EPPK1: variants seen among roughly 807,000 people sequenced by gnomAD.
The protein encoded by EPPK1 is epiplakin.
For missense variants in EPPK1, 3,823 were observed against 3,673.3 expected (o/e 1.04, Z -1.05); for synonymous variants, 1,862 against 1,721.2 (o/e 1.08, Z -2.03).
chr8:143,867,999 GT>G lies in EPPK1; in HGVS notation c.5254del (p.Thr1752ArgfsTer9). 1 of 1,613,676 alleles carries G rather than the reference GT, an allele frequency of 6.2e-7. No individual in the cohort carries two copies. ...LLERCVEDPE[T>X]GLYLLQIIKK... is the part of the protein sequence containing the mutation. Reference sequence around the variant, plus strand: ...TATGATTTGTAGCAGGTACAGGCCCGTCTCGGGGTCCTCCACACAGCGCTCC... The same window carrying G: ...TATGATTTGTAGCAGGTACAGGCCCGCTCGGGGTCCTCCACACAGCGCTCC... On this transcript the variant is annotated frameshift_variant, in exon 2 of 2. Transcript: ENST00000615648. LOFTEE classifies it low-confidence loss of function (END_TRUNC).
Position 143,869,928 on chromosome 8 carries a change from C to T in EPPK1, c.3326G>A (p.Gly1109Asp), listed in dbSNP as rs1554660548. 25 of 1,608,734 alleles carry T rather than the reference C, an allele frequency of 1.6e-5. No individual in the cohort carries two copies. The highest frequency in any genetic ancestry group is 2.1e-5 in the Non-Finnish European group (25 of 1,177,962). ...LEECPRDETS[G>D]LHLLPLPESA... The stretch of plus-strand genomic sequence containing the variant: ...TTCTGGCAGGGGCAGGAGGTGAAGG[C>T]CAGAAGTCTCATCCCTGGGGCACTC... The change falls in exon 2 of 2, where the codon GGC becomes GAC. Residue 1109 changes from glycine (G) to aspartate (D), a missense_variant. Transcript: ENST00000615648.
Position 143,872,900 on chromosome 8 carries a change from G to A in EPPK1, c.354C>T (p.Ala118=), listed in dbSNP as rs1175721541. ...LKEKLLAAER[A]TTGYPDPYGG... ...CGTAGGGGTCAGGATAGCCCGTAGT[G>A]GCACGCTCAGCGGCCAGCAGCTTCT... Residue 118 remains alanine (A), a synonymous_variant, in exon 2 of 2, where the codon GCC becomes GCT. Transcript: ENST00000615648. 6.2e-7 allele frequency: 1 copy of A among 1,605,972 alleles called. No homozygotes were observed.
At chr8:143,877,330 G>T (rs544444959) in intron 1 of EPPK1, among the ~76,000 whole-genome samples, 320 of 152,314 alleles carry the variant, frequency 2.1e-3, no homozygotes, top group African/African-American at 6.8e-3. Flanking sequence ...CCGGAGCGAG[G>T]GGGGGCAGGG....
At chr8:143,874,951 C>T (rs1554662168) in intron 1 of EPPK1, among the ~76,000 whole-genome samples, 1 of 152,188 alleles carries the variant, frequency 6.6e-6, no homozygotes, top group Admixed American at 6.5e-5. Flanking sequence ...TTGGAGCTGG[C>T]CCCCACCCAC....
rs373814278 is a variant in EPPK1, at chr8:143,869,506, C to T, written c.3748G>A (p.Gly1250Ser). The T allele has an allele frequency of 5.1e-5, 79 of 1,546,426 alleles. No homozygotes were observed. Among genetic ancestry groups the T allele is most frequent in the African/African-American group, 9.5e-5 (7 of 73,346 alleles). Residue 1250 changes from glycine (G) to serine (S), a missense_variant, in exon 2 of 2, where the codon GGT becomes AGT. Gly to Ser is a moderately conservative substitution (Grantham distance 56). Transcript: ENST00000615648. ...ACLWGTGCVA[G>S]VLLQPSGAKA... The stretch of plus-strand genomic sequence containing the variant: ...GCCCCAGAGGGCTGTAGCAGCACAC[C>T]GGCCACGCAGCCTGTGCCCCACAGG...
rs1279792373 is a variant in EPPK1 at position 143,866,938 on chromosome 8, C to G, written c.6316G>C (p.Glu2106Gln). The G allele has an allele frequency of 3.7e-6, 6 of 1,612,840 alleles. No homozygotes were observed. Among genetic ancestry groups the G allele is most frequent in the South Asian group, 1.1e-5 (1 of 91,082 alleles). The change falls in exon 2 of 2, where the codon GAG becomes CAG. Residue 2106 changes from glutamate (E) to glutamine (Q), a missense_variant. By Grantham distance (29) the Glu-to-Gln change is conservative. Transcript: ENST00000615648. ...CTTCCCACTGTGATTTCCACTTGCTCTGCCTCCAGGGCCCTTCTCGTCTCG... is the reference window on the plus strand; with the variant it reads ...CTTCCCACTGTGATTTCCACTTGCTGTGCCTCCAGGGCCCTTCTCGTCTCG... The part of the protein sequence containing the change: ...DDETRRALEA[E>Q]QVEITVGRFR...
At position 143,867,078 on chromosome 8, in the gene EPPK1, G is replaced by T. The variant is rs553910552; in HGVS notation, c.6176C>A (p.Thr2059Lys). 2.5e-5 allele frequency: 41 copies of T among 1,612,916 alleles called. No homozygotes were observed. The South Asian group carries it at 4.1e-4, about 16-fold the overall frequency. ...HMRKRFVDPN[T>K]QEKVSYRELQ... ...CTCTCGGTACGAGACCTTCTCTTGC[G>T]TGTTCGGGTCCACAAACCGTTTCCT... Residue 2059 changes from threonine to lysine, a missense_variant, in exon 2 of 2, where the codon ACG (threonine) becomes AAG (lysine). Transcript: ENST00000615648.
In EPPK1 at chr8:143,869,140, C is replaced by T; in HGVS notation, c.4114G>A (p.Val1372Met). The change falls in exon 2 of 2, where the codon GTG (valine) becomes ATG (methionine). Residue 1372 changes from valine (V) to methionine (M), a missense_variant. Val to Met is a conservative substitution (Grantham distance 21). Transcript: ENST00000615648. ...TGGVVDPVHG[V>M]HLPQAAACRL... ...CAGGCTGCCGCCTGGGGCAGGTGCA[C>T]CCCGTGGACAGGGTCCACCACACCC... 1 of 1,606,230 alleles carries T rather than the reference C, an allele frequency of 6.2e-7. No individual in the cohort carries two copies. The highest frequency in any genetic ancestry group is 1.7e-4 in the Middle Eastern group (1 of 6,056).
At position 143,866,458 on chromosome 8, in the gene EPPK1, G is replaced by T; in HGVS notation, c.6796C>A (p.Gln2266Lys). Residue 2266 changes from glutamine (Q) to lysine (K), a missense_variant, in exon 2 of 2, where the codon CAG becomes AAG. Transcript: ENST00000615648. ...PGTALVLLEA[Q>K]AATGFVIDPV... ...TCGATGACGAAGCCGGTGGCCGCCT[G>T]CGCCTCCAGCAGCACCAGGGCCGTG... is the stretch of plus-strand genomic sequence containing the variant. 6.9e-7 allele frequency: 1 copy of T among 1,452,188 alleles called. No individual in the cohort carries two copies. The highest frequency in any genetic ancestry group is 9.2e-7 in the Non-Finnish European group (1 of 1,090,128). The allele number at this position is 1,452,188 out of a possible 1,614,324, so 90.0% of individuals were successfully genotyped here.
At position 143,868,660 on chromosome 8, in the gene EPPK1, C is replaced by A. The variant is rs190800981; in HGVS notation, c.4594G>T (p.Asp1532Tyr). 5.4e-5 allele frequency: 85 copies of A among 1,585,760 alleles called. No individual in the cohort carries two copies. The Admixed American group carries it at 1.2e-3, about 22-fold the overall frequency. ...CTGATCAGCTGCGCCCTGAACAGGT[C>A]CCTGGCTGACACCTGCTTCCGGAGC... ...RGLRKQVSARDLFRAQLISRK... is the reference protein window; with the variant it reads ...RGLRKQVSARYLFRAQLISRK... Residue 1532 changes from aspartate (D) to tyrosine (Y), a missense_variant, in exon 2 of 2, where the codon GAC (aspartate) becomes TAC (tyrosine). By Grantham distance (160) the Asp-to-Tyr change is radical. Coordinates refer to ENST00000615648, the MANE Select transcript of EPPK1 (RefSeq NM_031308.4).
At position 143,868,623 on chromosome 8, in the gene EPPK1, A is replaced by AGCGTCTTCCT. The variant is rs1819223952; in HGVS notation, c.4621_4630dup (p.Leu1544GlnfsTer231). 6.3e-7 allele frequency: 1 copy of AGCGTCTTCCT among 1,597,980 alleles called. No individual in the cohort carries two copies. The highest frequency in any genetic ancestry group is 1.3e-5 in the African/African-American group (1 of 74,578). Reference sequence around the variant, plus strand: ...CGTTGTCCCCTGGCTCAGCTCGTCCAGCGTCTTCCTGCTGATCAGCTGCGC... The same window carrying AGCGTCTTCCT: ...CGTTGTCCCCTGGCTCAGCTCGTCCAGCGTCTTCCTGCGTCTTCCTGCTGATCAGCTGCGC... On this transcript the variant is annotated frameshift_variant, in exon 2 of 2. Coordinates refer to ENST00000615648, the MANE Select transcript of EPPK1 (RefSeq NM_031308.4). LOFTEE classifies it low-confidence loss of function (END_TRUNC).
In EPPK1 at chr8:143,866,979, G is replaced by A. The variant is rs1819141428; in HGVS notation, c.6275C>T (p.Ser2092Phe). The change falls in exon 2 of 2, where the codon TCC (serine) becomes TTC (phenylalanine). Residue 2092 changes from serine to phenylalanine, a missense_variant. Physicochemically the swap from Ser to Phe is radical, Grantham distance 155. Coordinates refer to ENST00000615648, the MANE Select transcript of EPPK1 (RefSeq NM_031308.4). The part of the protein sequence containing the change: ...LFPVNKAARD[S>F]EHIDDETRRA... Reference sequence around the variant, plus strand: ...TCTCGTCTCGTCATCGATGTGCTCGGAGTCCCGTGCAGCCTTGTTCACTGG... The same window carrying A: ...TCTCGTCTCGTCATCGATGTGCTCGAAGTCCCGTGCAGCCTTGTTCACTGG... The A allele has an allele frequency of 1.2e-6, 2 of 1,612,694 alleles. No individual in the cohort carries two copies. The highest frequency in any genetic ancestry group is 2.2e-5 in the South Asian group (2 of 91,086).
In EPPK1 at chr8:143,870,067, C is replaced by A. The variant is rs1554660606; in HGVS notation, c.3187G>T (p.Ala1063Ser). The A allele has an allele frequency of 6.2e-7, 1 of 1,610,526 alleles. No individual in the cohort carries two copies. Among genetic ancestry groups the A allele is most frequent in the African/African-American group, 1.3e-5 (1 of 75,000 alleles). ...TSHHHLPMPV[A>S]IQRGYVDQEM... ...TGGTCAACATAGCCACGCTGAATGG[C>A]CACTGGCATGGGGAGGTGGTGGTGG... Residue 1063 changes from alanine to serine, a missense_variant, in exon 2 of 2, where the codon GCC (alanine) becomes TCC (serine). By Grantham distance (99) the Ala-to-Ser change is moderately conservative (BLOSUM62 1). Coordinates refer to ENST00000615648, the MANE Select transcript of EPPK1 (RefSeq NM_031308.4). The surrounding 1 kb of genome is among the most constrained non-coding windows in gnomAD (Gnocchi z 5.2).
rs1819335157 is a variant in EPPK1, at chr8:143,871,175, G to A, written c.2079C>T (p.Asp693=). 3 of 1,613,032 alleles carry A rather than the reference G, an allele frequency of 1.9e-6. No homozygotes were observed. The highest frequency in any genetic ancestry group is 2.2e-5 in the East Asian group (1 of 44,886). The change falls in exon 2 of 2, where the codon GAC becomes GAT. Residue 693 remains aspartate (D), a synonymous_variant. Coordinates refer to ENST00000615648, the MANE Select transcript of EPPK1 (RefSeq NM_031308.4). ...SAERAVTGYT[D]PYTGQQISLF... The stretch of plus-strand genomic sequence containing the variant: ...GGGAGATCTGCTGCCCGGTGTAGGG[G>A]TCAGTGTAGCCAGTGACAGCGCGCT...
Position 143,866,764 on chromosome 8 carries a change from T to G in EPPK1, c.6490A>C (p.Lys2164Gln). 1 of 1,613,506 alleles carries G rather than the reference T, an allele frequency of 6.2e-7. No homozygotes were observed. Among genetic ancestry groups the G allele is most frequent in the Non-Finnish European group, 8.5e-7 (1 of 1,179,866 alleles). The change falls in exon 2 of 2, where the codon AAG becomes CAG. Residue 2164 changes from lysine (K) to glutamine (Q), a missense_variant. Physicochemically the swap from Lys to Gln is moderately conservative, Grantham distance 53. Coordinates refer to ENST00000615648, the MANE Select transcript of EPPK1 (RefSeq NM_031308.4). ...VAQLILELIE[K>Q]QETSNKHLWF... ...AGGTGTTTGTTGCTGGTTTCCTGCT[T>G]CTCGATCAACTCTAAGATGAGCTGC...
chr8:143,870,292 C>A lies in EPPK1; in HGVS notation c.2962G>T (p.Val988Leu), dbSNP rs180988510. 4.5e-4 allele frequency: 709 copies of A among 1,583,104 alleles called. 8 individuals carry two copies. In the East Asian group the frequency reaches 0.014, roughly 32 times the overall value. The change falls in exon 2 of 2, where the codon GTG becomes TTG. Residue 988 changes from valine (V) to leucine (L), a missense_variant. By Grantham distance (32) the Val-to-Leu change is conservative. Transcript: ENST00000615648. This position sits in a 1 kb window ranked among gnomAD's most constrained non-coding sequence, Gnocchi z 5.2. ...TCCGGCCCCACCACACCCCTGCGCA[C>A]GGCCTCATCCACCGAGAGGCTCTCT... ...SPESLSVDEA[V>L]RRGVVGPELY... is the part of the protein sequence containing the mutation.
In EPPK1 at chr8:143,866,395, C is replaced by T. The variant is rs1178850981; in HGVS notation, c.6859G>A (p.Val2287Met). 39 of 1,066,982 alleles carry T rather than the reference C, an allele frequency of 3.7e-5. 1 individual carries two copies. The Middle Eastern group carries it at 9.3e-4, about 25-fold the overall frequency. 66.1% of individuals were successfully genotyped at this position (1,066,982 alleles called of 1,614,324 possible). A position where few individuals can be genotyped will look rare whatever the true frequency, so the allele number is the denominator to read the frequency against. Reference sequence around the variant, plus strand: ...TCGCCGCCCACCACGCCCGCGGCCACGGCCTCCTCCACCGACAGCCTCAGG... The same window carrying T: ...TCGCCGCCCACCACGCCCGCGGCCATGGCCTCCTCCACCGACAGCCTCAGG... ...RNLRLSVEEAVAAGVVGGEIQ... is the reference protein window; with the variant it reads ...RNLRLSVEEAMAAGVVGGEIQ... Residue 2287 changes from valine (V) to methionine (M), a missense_variant, in exon 2 of 2, where the codon GTG (valine) becomes ATG (methionine). Coordinates refer to ENST00000615648, the MANE Select transcript of EPPK1 (RefSeq NM_031308.4).
At chr8:143,877,633 G>A (rs1267578815) in intron 1 of EPPK1, among the ~76,000 whole-genome samples, 1 of 152,142 alleles carries the variant, frequency 6.6e-6, no homozygotes, top group East Asian at 1.9e-4. Context: ...GGAGGCTGCA[G>A]CCGCCTGCCT....
At position 143,871,619 on chromosome 8, in the gene EPPK1, C is replaced by T. The variant is rs1554661247; in HGVS notation, c.1635G>A (p.Leu545=). 6.8e-6 allele frequency: 11 copies of T among 1,606,816 alleles called. No homozygotes were observed. In the Admixed American group the frequency reaches 1.2e-4, roughly 17 times the overall value. The change falls in exon 2 of 2, where the codon CTG becomes CTA. Residue 545 remains leucine (L), a synonymous_variant. Transcript: ENST00000615648. The stretch of plus-strand genomic sequence containing the variant: ...CTGCAGCCTGCTCGAGGGTGGCGCT[C>T]AGCTTAGCGGCCAGCTTCTCCACGG... ...TLSVEKLAAK[L]SATLEQAAAT...
Sources: allele counts gnomAD v4.1 joint callset (sites outside exome capture counted in the v4.1 genomes callset), GRCh38; gene constraint gnomAD v4.1.1; non-coding constraint Gnocchi (gnomAD v3.1); transcripts MANE v1.5; gene names NCBI Gene and HGNC (gene_info 2026-07-23, HGNC 2026-07-21).